The following BCAR3 variants were observed in gnomAD, a reference collection of about 807,000 sequenced individuals.
BCAR3 encodes the protein breast cancer anti-estrogen resistance protein 3.
In BCAR3, 37 loss-of-function variants were observed where a neutral mutation model predicts 80.1. The ratio of observed to expected loss-of-function variants is 0.46; its 90% CI spans 0.36 to 0.61. The LOEUF is 0.61. Ranked by LOEUF, BCAR3 falls within the 20% of genes least tolerant of loss-of-function variation. The pLI, the probability that BCAR3 is intolerant of heterozygous loss-of-function variation, is 0.00. For missense variants in BCAR3, 978 were observed against 1,068.2 expected, an observed-to-expected ratio of 0.92 and a Z score of 1.18; for synonymous variants, 389 against 418.9, an observed-to-expected ratio of 0.93 and a Z score of 0.87.
intron 2 of BCAR3, among the ~76,000 whole-genome samples, chr1:93,740,663 A>C (rs1415227175): frequency 6.6e-6 from 1 of 152,056 alleles, no homozygotes; most frequent in Non-Finnish European, 1.5e-5. Context: ...ACCCTGATGC[A>C]TCTAGATTCC....
chr1:93,776,444 A>G (rs1270647359), intron 2 of BCAR3, among the ~76,000 whole-genome samples: 3 of 152,220 alleles, frequency 2.0e-5, no homozygotes, highest in African/African-American at 7.2e-5. Flanking sequence ...CATTACCACA[A>G]TATAATTAAG....
At chr1:93,751,751 TCCCCACATGCTGGTGCTCTCAGCCAG>T (rs1462236970) in intron 2 of BCAR3, among the ~76,000 whole-genome samples, 5 of 152,140 alleles carry the variant, frequency 3.3e-5, no homozygotes, top group South Asian at 2.1e-4. Flanking sequence ...TCTAGAAGAT[TCCCCACATGCTGGTGCTCTCAGCCAG>T]CCCCACAGGC....
At position 93,592,140 on chromosome 1, in the gene BCAR3, G is replaced by GT; in HGVS notation, c.486+124dup. On this transcript the variant is annotated intron_variant, in intron 4 of 11. Coordinates refer to ENST00000260502, the MANE Select transcript of BCAR3 (RefSeq NM_003567.4). This position sits in a 1 kb window ranked among gnomAD's most constrained non-coding sequence, Gnocchi z 4.8. ...GGGTCTAAATGAAGTCATTTTTAGA[G>GT]TATTTGTTTTTGGTTACACAGGTGC... The GT allele has an allele frequency of 7.3e-7, 1 of 1,366,542 alleles. No homozygotes were observed. Among genetic ancestry groups the GT allele is most frequent in the Non-Finnish European group, 9.9e-7 (1 of 1,006,682 alleles). The allele number at this position is 1,366,542 out of a possible 1,614,324, so 84.7% of individuals were successfully genotyped here.
intron 3 of BCAR3, among the ~76,000 whole-genome samples, chr1:93,688,185 C>T (rs970338371): frequency 9.2e-5 from 14 of 152,078 alleles, no homozygotes; most frequent in Non-Finnish European, 1.8e-4. Context: ...ATCACGTTGG[C>T]CAGAGAAATC....
chr1:93,694,270 TG>T (rs1368418224), intron 3 of BCAR3, among the ~76,000 whole-genome samples: 1 of 152,182 alleles, frequency 6.6e-6, no homozygotes, highest in Non-Finnish European at 1.5e-5. Context: ...CATGTCAATC[TG>T]GTGCCAGCTC....
chr1:93,734,149 C>A (rs1337321291), intron 2 of BCAR3, among the ~76,000 whole-genome samples: 1 of 152,208 alleles, frequency 6.6e-6, no homozygotes, highest in Non-Finnish European at 1.5e-5. Context: ...TGTGCCTCAT[C>A]TAATCTATAT....
At chr1:93,846,828 GCGGGGCGCGT>G in intron 1 of BCAR3, 1 of 473,072 alleles carries the variant, frequency 2.1e-6, no homozygotes, top group Non-Finnish European at 4.3e-6. Context: ...ATGCTGCGGC[GCGGGGCGCGT>G]CGCCCCCCTC....
At chr1:93,826,528 A>T (rs954720076) in intron 2 of BCAR3, among the ~76,000 whole-genome samples, 3 of 151,972 alleles carry the variant, frequency 2.0e-5, no homozygotes, top group Non-Finnish European at 4.4e-5. Context: ...TCATTCATCC[A>T]CGTATTCATT....
In BCAR3 at chr1:93,664,565, T is replaced by C. The variant is rs1647812595; in HGVS notation, c.317+10049A>G. On this transcript the variant is annotated intron_variant, in intron 2 of 11. Coordinates refer to ENST00000260502, the MANE Select transcript of BCAR3 (RefSeq NM_003567.4). ...TTAAAACAGCATCATTTAAATATCC[T>C]GCATATTACACTATGGTGAGTCTAT... is the stretch of plus-strand genomic sequence containing the variant. 2.0e-5 allele frequency among the ~76,000 whole-genome samples: 3 copies of C among 152,202 alleles called. No individual in the cohort carries two copies. The South Asian group carries it at 6.2e-4, about 32-fold the overall frequency.
upstream of BCAR3, among the ~76,000 whole-genome samples, chr1:93,684,610 C>T (rs1648908355): frequency 6.6e-6 from 1 of 152,232 alleles, no homozygotes; most frequent in African/African-American, 2.4e-5. Context: ...GAAACAGACT[C>T]AGGAAGGTTA....
chr1:93,651,933 T>C (rs1414037729), intron 2 of BCAR3, among the ~76,000 whole-genome samples: 2 of 152,212 alleles, frequency 1.3e-5, no homozygotes, highest in African/African-American at 2.4e-5. Context: ...GTCAACATGT[T>C]AGCCCATGCG....
intron 2 of BCAR3, among the ~76,000 whole-genome samples, chr1:93,759,326 T>C (rs908461959): frequency 1.3e-5 from 2 of 152,180 alleles, no homozygotes; most frequent in Non-Finnish European, 2.9e-5. Flanking sequence ...CCCTCCAGTG[T>C]CCGGCTAATT....
At chr1:93,580,414 C>A (rs1167812918) in intron 7 of BCAR3, among the ~76,000 whole-genome samples, 1 of 151,970 alleles carries the variant, frequency 6.6e-6, no homozygotes, top group East Asian at 1.9e-4. Flanking sequence ...AGCCCACCAT[C>A]GCCTGAGACA....
At chr1:93,780,548 A>G (rs1194898580) in intron 2 of BCAR3, among the ~76,000 whole-genome samples, 1 of 149,314 alleles carries the variant, frequency 6.7e-6, no homozygotes, top group Non-Finnish European at 1.5e-5. Context: ...TGGAGATGGT[A>G]AACAGGAAGT....
chr1:93,653,429 T>C (rs1290617734), intron 2 of BCAR3, among the ~76,000 whole-genome samples: 1 of 152,168 alleles, frequency 6.6e-6, no homozygotes, highest in East Asian at 1.9e-4. Flanking sequence ...CAGTTCACTG[T>C]ATTGTATATT....
chr1:93,706,885 A>G (rs1649843220), intron 2 of BCAR3, among the ~76,000 whole-genome samples: 1 of 152,246 alleles, frequency 6.6e-6, no homozygotes, highest in Non-Finnish European at 1.5e-5. Flanking sequence ...GTTTAATAGT[A>G]TACAGTTTAG....
chr1:93,811,132 G>A (rs1443433860), intron 2 of BCAR3, among the ~76,000 whole-genome samples: 3 of 152,212 alleles, frequency 2.0e-5, no homozygotes, highest in South Asian at 4.1e-4. Flanking sequence ...AAGCACAGCC[G>A]TGAAAGCTGA....
At chr1:93,760,700 C>G (rs1358217684) in intron 2 of BCAR3, among the ~76,000 whole-genome samples, 4 of 152,160 alleles carry the variant, frequency 2.6e-5, no homozygotes, top group Non-Finnish European at 5.9e-5. Context: ...CATGGCCAGG[C>G]TCCTTCTGTG....
intron 2 of BCAR3, among the ~76,000 whole-genome samples, chr1:93,823,299 C>T (rs1654286932): frequency 7.5e-6 from 1 of 133,396 alleles, no homozygotes; most frequent in Non-Finnish European, 1.7e-5. Context: ...AGCATCCCAA[C>T]CAATTCTCAA....
Sources: gnomAD v4.1 joint callset for allele counts (sites outside exome capture counted in the v4.1 genomes callset) on GRCh38, gnomAD v4.1.1 for gene constraint, Gnocchi (gnomAD v3.1) non-coding constraint, MANE v1.5 for transcripts, NCBI Gene and HGNC (gene_info 2026-07-23, HGNC 2026-07-21) for gene names.